Variants in NPLOC4 observed in about 807,000 individuals in gnomAD.
The protein encoded by NPLOC4 is NPL4 homolog, ubiquitin recognition factor, also known as nuclear protein localization protein 4 homolog.
NPLOC4 carries 18 observed loss-of-function variants against 80.6 expected under a neutral mutation model. That is an observed-to-expected ratio of 0.22 (90% confidence interval 0.15 to 0.33). The LOEUF is 0.33. Ranked by LOEUF, NPLOC4 falls within the 10% of genes least tolerant of loss-of-function variation. NPLOC4 has a pLI of 1.00. For missense variants in NPLOC4, 540 were observed against 786.1 expected, an observed-to-expected ratio of 0.69 and a Z score of 3.74; for synonymous variants, 313 against 301.5, an observed-to-expected ratio of 1.04 and a Z score of -0.39.
intron 1 of NPLOC4, among the ~76,000 whole-genome samples, chr17:81,631,436 A>ATATATTTTTT (rs1330720098): frequency 1.3e-4 from 15 of 117,032 alleles, no homozygotes; most frequent in African/African-American, 4.4e-4. Flanking sequence ...ATATATATAT[A>ATATATTTTTT]TTTTTTTTTT....
intron 7 of NPLOC4, among the ~76,000 whole-genome samples, chr17:81,605,067 T>C (rs1022593815): frequency 1.3e-5 from 2 of 150,676 alleles, no homozygotes; most frequent in Admixed American, 1.3e-4. Context: ...AAGACCATCC[T>C]GACCAACATG....
chr17:81,582,385 C>T (rs2034466426), intron 12 of NPLOC4, among the ~76,000 whole-genome samples: 1 of 152,178 alleles, frequency 6.6e-6, no homozygotes, highest in Non-Finnish European at 1.5e-5. Context: ...AAGCATCTAG[C>T]GGTGTTCTGT....
chr17:81,636,626 C>T (rs2036083257), intron 1 of NPLOC4: 2 of 318,236 alleles, frequency 6.3e-6, no homozygotes, highest in East Asian at 4.8e-5. Context: ...GGAAGGAGGG[C>T]GGTTTCTCTT....
intron 11 of NPLOC4, among the ~76,000 whole-genome samples, chr17:81,595,469 T>C (rs2034879610): frequency 6.9e-6 from 1 of 145,330 alleles, no homozygotes; most frequent in Admixed American, 6.9e-5. Flanking sequence ...TTTTTTGAGA[T>C]GGAGTTTCAC....
intron 12 of NPLOC4, among the ~76,000 whole-genome samples, chr17:81,584,841 A>C (rs954361062): frequency 3.9e-5 from 6 of 152,202 alleles, no homozygotes; most frequent in African/African-American, 1.4e-4. Flanking sequence ...TCCACAGAGA[A>C]AACTGAAAAC....
rs35496389 is a variant in NPLOC4 at position 81,574,126 on chromosome 17, G to T, written c.1282-2038C>A. On this transcript the variant is annotated intron_variant, in intron 12 of 16. Coordinates refer to ENST00000331134, the MANE Select transcript of NPLOC4 (RefSeq NM_017921.4). Reference sequence around the variant, plus strand: ...TCACCATTTCCAAAAATACAGGCTTGCCCCTACAAGAAATAAACCTGCAAC... The same window carrying T: ...TCACCATTTCCAAAAATACAGGCTTTCCCCTACAAGAAATAAACCTGCAAC... 2.6e-5 allele frequency among the ~76,000 whole-genome samples: 4 copies of T among 152,314 alleles called. No homozygotes were observed. In the East Asian group the frequency reaches 5.8e-4, roughly 22 times the overall value.
At chr17:81,626,128 G>A (rs541594436) in intron 2 of NPLOC4, among the ~76,000 whole-genome samples, 6 of 144,232 alleles carry the variant, frequency 4.2e-5, no homozygotes, top group South Asian at 2.3e-4. Flanking sequence ...CAGCCCAAGC[G>A]ACAGAGTGAG....
At chr17:81,560,400 G>A (rs538167552) in intron 16 of NPLOC4, among the ~76,000 whole-genome samples, 157 of 150,514 alleles carry the variant, frequency 1.0e-3, no homozygotes, top group Non-Finnish European at 9.6e-4. Flanking sequence ...GCGACACAGC[G>A]AGACTCCATC....
intron 11 of NPLOC4, among the ~76,000 whole-genome samples, chr17:81,590,378 G>T (rs2034706310): frequency 6.6e-6 from 1 of 152,238 alleles, no homozygotes; most frequent in Non-Finnish European, 1.5e-5. Flanking sequence ...TCCCTGAAGT[G>T]AGCTGGGCAG....
At chr17:81,569,636 G>A (rs2144048554) in intron 13 of NPLOC4, among the ~76,000 whole-genome samples, 1 of 152,318 alleles carries the variant, frequency 6.6e-6, no homozygotes, top group Middle Eastern at 3.4e-3. Context: ...TCTGAATGCT[G>A]GGAGCCACTC....
intron 2 of NPLOC4, among the ~76,000 whole-genome samples, chr17:81,623,938 C>G (rs976476176): frequency 1.3e-4 from 20 of 152,114 alleles, no homozygotes; most frequent in Non-Finnish European, 2.5e-4. Flanking sequence ...TTAAGCAGTT[C>G]TATGTGCTCA....
chr17:81,582,026 C>T (rs1013546785), intron 12 of NPLOC4, among the ~76,000 whole-genome samples: 1 of 152,188 alleles, frequency 6.6e-6, no homozygotes, highest in African/African-American at 2.4e-5. Flanking sequence ...AGAGAGGGAA[C>T]ATGAGGAGGG....
intron 2 of NPLOC4, among the ~76,000 whole-genome samples, chr17:81,626,327 AAAAG>A (rs1219057015): frequency 3.0e-4 from 45 of 151,744 alleles, no homozygotes; most frequent in Non-Finnish European, 5.3e-4. Flanking sequence ...AGAAAAAAAA[AAAAG>A]AAAAGAATGA....
Position 81,559,167 on chromosome 17 carries a change from A to G in NPLOC4, c.*92T>C, listed in dbSNP as rs2033759315. 2.9e-6 allele frequency: 4 copies of G among 1,390,224 alleles called. No individual in the cohort carries two copies. Among genetic ancestry groups the G allele is most frequent in the Admixed American group, 2.5e-5 (1 of 40,640 alleles). 86.1% of individuals were successfully genotyped at this position (1,390,224 alleles called of 1,614,324 possible). A position where few individuals can be genotyped will look rare whatever the true frequency, so the allele number is the denominator to read the frequency against. ...CCTTGTTCCTCCAGGGCTGCCCACT[A>G]TGGGGCAGTTACAGGGAACACACTC... On this transcript the variant is annotated 3_prime_UTR_variant, in exon 17 of 17. Transcript: ENST00000331134.
At position 81,567,878 on chromosome 17, in the gene NPLOC4, C is replaced by T. The variant is rs984657058; in HGVS notation, c.1450-345G>A. The T allele has an allele frequency of 4.8e-6, 1 of 209,396 alleles. No homozygotes were observed. The highest frequency in any genetic ancestry group is 9.7e-6 in the Non-Finnish European group (1 of 102,774). 13.0% of individuals were successfully genotyped at this position (209,396 alleles called of 1,614,324 possible). On this transcript the variant is annotated intron_variant, in intron 14 of 16. Transcript: ENST00000331134. This position sits in a 1 kb window ranked among gnomAD's most constrained non-coding sequence, Gnocchi z 4.5. The stretch of plus-strand genomic sequence containing the variant: ...CAGGCAGGTGGTCAGGAGTTCGAGA[C>T]CAGTCTGGCCAACATGGCGAAACCC...
intron 3 of NPLOC4, among the ~76,000 whole-genome samples, chr17:81,619,358 C>T (rs1484482282): frequency 1.3e-5 from 2 of 151,356 alleles, no homozygotes; most frequent in East Asian, 3.9e-4. Flanking sequence ...GCCTGGGCAA[C>T]ACAGTGAGAC....
At chr17:81,562,956 G>GA (rs112068034) in intron 16 of NPLOC4, 33,462 of 144,984 alleles carry the variant, frequency 0.23, 4,005 homozygotes, top group Middle Eastern at 0.31. Flanking sequence ...AAGGAGGGGG[G>GA]AAAAAAAAAA....
Position 81,567,058 on chromosome 17 carries a change from C to A in NPLOC4, c.1566+359G>T. The A allele has an allele frequency of 4.5e-6, 1 of 219,862 alleles. No individual in the cohort carries two copies. The highest frequency in any genetic ancestry group is 9.2e-6 in the Non-Finnish European group (1 of 108,740). The allele number at this position is 219,862 out of a possible 1,614,324, so 13.6% of individuals were successfully genotyped here. On this transcript the variant is annotated intron_variant, in intron 15 of 16. Transcript: ENST00000331134. This position sits in a 1 kb window ranked among gnomAD's most constrained non-coding sequence, Gnocchi z 4.5. ...TGAGTAAAAAGCAGAGGCTGTGACT[C>A]TGAAACTGTTAGAACAGGAATTTTT...
At chr17:81,586,542 G>A (rs1465305184) in intron 12 of NPLOC4, among the ~76,000 whole-genome samples, 4 of 151,688 alleles carry the variant, frequency 2.6e-5, no homozygotes, top group Admixed American at 1.3e-4. Context: ...CTCAAGGGGC[G>A]GAGGCTGCAG....
Sources: allele counts gnomAD v4.1 joint callset (sites outside exome capture counted in the v4.1 genomes callset), GRCh38; gene constraint gnomAD v4.1.1; non-coding constraint Gnocchi (gnomAD v3.1); transcripts MANE v1.5; gene names NCBI Gene and HGNC (gene_info 2026-07-23, HGNC 2026-07-21).